Variants in OXR1 observed in about 807,000 individuals in gnomAD.
The protein encoded by OXR1 is oxidation resistance protein 1.
A neutral mutation model predicts 104.6 loss-of-function variants in OXR1; 41 were observed. The ratio of observed to expected loss-of-function variants is 0.39; its 90% CI spans 0.31 to 0.51. OXR1 has a LOEUF of 0.51. OXR1 is among the 20% of genes least tolerant of loss of function. The pLI is 0.77. For synonymous variants in OXR1, 348 were observed against 348.4 expected, an observed-to-expected ratio of 1.00 and a Z score of 0.01; for missense variants, 955 against 1,031.9, an observed-to-expected ratio of 0.93 and a Z score of 1.02.
chr8:106,284,894 G>A (rs1812432425), intron 1 of OXR1, among the ~76,000 whole-genome samples: 1 of 151,944 alleles, frequency 6.6e-6, no homozygotes, highest in Non-Finnish European at 1.5e-5. Flanking sequence ...TATTATAAAG[G>A]GCTGGAGATA....
chr8:106,654,337 T>A (rs1427709086), intron 3 of OXR1, among the ~76,000 whole-genome samples: 1 of 152,126 alleles, frequency 6.6e-6, no homozygotes, highest in African/African-American at 2.4e-5. Context: ...AGCATGGTAT[T>A]GGCATGGGTT....
intron 2 of OXR1, among the ~76,000 whole-genome samples, chr8:106,452,144 G>A (rs1820349563): frequency 6.6e-6 from 1 of 152,078 alleles, no homozygotes; most frequent in Non-Finnish European, 1.5e-5. Flanking sequence ...TACAGACTCA[G>A]GACAAAGAGG....
intron 2 of OXR1, among the ~76,000 whole-genome samples, chr8:106,462,371 G>T (rs1820959541): frequency 6.6e-6 from 1 of 152,106 alleles, no homozygotes; most frequent in Non-Finnish European, 1.5e-5. Flanking sequence ...TGCTCTTTCT[G>T]CATTGAATAT....
chr8:106,694,608 ATGTT>A, intron 7 of OXR1, among the ~76,000 whole-genome samples: 1 of 54,088 alleles, frequency 1.8e-5, no homozygotes, highest in Non-Finnish European at 3.3e-5. Context: ...ATATAAATAT[ATGTT>A]TATATATATT....
intron 1 of OXR1, among the ~76,000 whole-genome samples, chr8:106,284,849 TG>T (rs1471864632): frequency 2.0e-5 from 3 of 152,228 alleles, no homozygotes; most frequent in Admixed American, 1.3e-4. Flanking sequence ...GCTGTTTGCT[TG>T]CTATTGCCAT....
intron 3 of OXR1, among the ~76,000 whole-genome samples, chr8:106,678,763 T>TGCA (rs1587059619): frequency 6.6e-6 from 1 of 152,148 alleles, no homozygotes; most frequent in East Asian, 1.9e-4. Context: ...TAGAGAAGAC[T>TGCA]ATTTTTCATT....
chr8:106,362,875 G>C (rs1816304610), intron 2 of OXR1, among the ~76,000 whole-genome samples: 1 of 152,194 alleles, frequency 6.6e-6, no homozygotes, highest in Admixed American at 6.5e-5. Flanking sequence ...GTGTGTAGTA[G>C]GGCCTGGAGA....
At chr8:106,683,341 A>C (rs1828366585) in intron 5 of OXR1, 35 bp downstream of exon 5, 2 of 974,346 alleles carry the variant, frequency 2.1e-6, no homozygotes, top group Admixed American at 1.8e-5. Flanking sequence ...GATGTTTAGA[A>C]ACATTAAACA....
intron 2 of OXR1, among the ~76,000 whole-genome samples, chr8:106,420,884 C>A (rs890932968): frequency 2.6e-5 from 4 of 151,860 alleles, no homozygotes; most frequent in Non-Finnish European, 5.9e-5. Flanking sequence ...GGATAGATGA[C>A]CTACAATGAA....
At chr8:106,660,996 G>C (rs1004537434) in intron 3 of OXR1, among the ~76,000 whole-genome samples, 1 of 151,994 alleles carries the variant, frequency 6.6e-6, no homozygotes, top group Non-Finnish European at 1.5e-5. Flanking sequence ...CACAGAACGA[G>C]ACTCCATCTC....
intron 3 of OXR1, among the ~76,000 whole-genome samples, chr8:106,620,669 AC>A (rs1313173197): frequency 2.6e-5 from 4 of 152,318 alleles, no homozygotes; most frequent in Non-Finnish European, 5.9e-5. Context: ...AAAACTGAAG[AC>A]CCACATTCAA....
At chr8:106,565,100 T>C (rs902923935) in intron 3 of OXR1, among the ~76,000 whole-genome samples, 1 of 152,160 alleles carries the variant, frequency 6.6e-6, no homozygotes, top group Non-Finnish European at 1.5e-5. Context: ...TCACCACTCC[T>C]GTACAACATA....
At chr8:106,448,544 T>G (rs943683010) in intron 2 of OXR1, among the ~76,000 whole-genome samples, 2 of 152,146 alleles carry the variant, frequency 1.3e-5, no homozygotes, top group African/African-American at 4.8e-5. Flanking sequence ...CTAAAATTAC[T>G]TGAAAAAAAC....
At chr8:106,694,367 T>C (rs1319522863) in intron 7 of OXR1, among the ~76,000 whole-genome samples, 3 of 145,744 alleles carry the variant, frequency 2.1e-5, no homozygotes, top group African/African-American at 7.5e-5. Flanking sequence ...TGCCTTTCAG[T>C]TTTATTTATC....
At chr8:106,379,031 AG>A (rs1372102596) in intron 2 of OXR1, among the ~76,000 whole-genome samples, 1 of 152,176 alleles carries the variant, frequency 6.6e-6, no homozygotes, top group African/African-American at 2.4e-5. Context: ...AATCAGGATA[AG>A]TTAGCCGTAA....
intron 3 of OXR1, among the ~76,000 whole-genome samples, chr8:106,588,194 C>T (rs1032613723): frequency 6.6e-6 from 1 of 152,014 alleles, no homozygotes; most frequent in African/African-American, 2.4e-5. Context: ...CTCCTGACCT[C>T]GTGATCCGCC....
intron 3 of OXR1, among the ~76,000 whole-genome samples, chr8:106,576,881 T>C (rs1457894800): frequency 6.6e-6 from 1 of 152,168 alleles, no homozygotes; most frequent in Non-Finnish European, 1.5e-5. Flanking sequence ...AATCAAAATA[T>C]TTTTAAATTT....
chr8:106,676,545 C>G (rs1827613246), intron 3 of OXR1, among the ~76,000 whole-genome samples: 1 of 152,006 alleles, frequency 6.6e-6, no homozygotes, highest in African/African-American at 2.4e-5. Flanking sequence ...TTCTCCTTCC[C>G]TTATATAGCT....
At chr8:106,384,616 C>T (rs947344542) in intron 2 of OXR1, among the ~76,000 whole-genome samples, 2 of 152,050 alleles carry the variant, frequency 1.3e-5, no homozygotes, top group Non-Finnish European at 2.9e-5. Context: ...CTTTGGTGTG[C>T]TCCTTTTATT....
Sources: gnomAD v4.1 joint callset for allele counts (sites outside exome capture counted in the v4.1 genomes callset) on GRCh38, gnomAD v4.1.1 for gene constraint, MANE v1.5 for transcripts, NCBI Gene and HGNC (gene_info 2026-07-23, HGNC 2026-07-21) for gene names.